Variants in MAD1L1 observed in about 807,000 individuals in gnomAD.
The protein encoded by MAD1L1 is mitotic arrest deficient 1 like 1.
Under a neutral mutation model 96.9 loss-of-function variants are expected in MAD1L1, and 95 were observed. The ratio of observed to expected loss-of-function variants is 0.98; its 90% CI spans 0.83 to 1.16. The LOEUF (loss-of-function observed/expected upper bound fraction) is 1.16, where lower values mean the gene tolerates loss of function less well. Ranked by LOEUF, MAD1L1 falls within the 50% of genes most tolerant of loss-of-function variation. The pLI is 0.00. For synonymous variants in MAD1L1, 473 were observed against 396.6 expected, an observed-to-expected ratio of 1.19 and a Z score of -2.29; for missense variants, 1,007 against 954.4, an observed-to-expected ratio of 1.06 and a Z score of -0.73.
chr7:1,909,531 G>A (rs1409664130), intron 17 of MAD1L1, among the ~76,000 whole-genome samples: 3 of 152,350 alleles, frequency 2.0e-5, no homozygotes, highest in East Asian at 1.9e-4. Context: ...GAGACTGTAG[G>A]AGGTGGGGAC....
chr7:2,229,817 G>A (rs1164867506), intron 3 of MAD1L1, among the ~76,000 whole-genome samples, 167 bp downstream of exon 3: 2 of 152,048 alleles, frequency 1.3e-5, no homozygotes, highest in African/African-American at 4.8e-5. Context: ...CTAGCCTCCA[G>A]CTACGACCCC....
Position 2,187,901 on chromosome 7 carries a change from C to T in MAD1L1, c.986+25311G>A, listed in dbSNP as rs530679255. 4.6e-5 allele frequency among the ~76,000 whole-genome samples: 7 copies of T among 152,146 alleles called. No individual in the cohort carries two copies. In the East Asian group the frequency reaches 5.8e-4, roughly 13 times the overall value. On this transcript the variant is annotated intron_variant, in intron 10 of 18. Coordinates refer to ENST00000265854, the MANE Select transcript of MAD1L1 (RefSeq NM_001013836.2). Reference sequence around the variant, plus strand: ...GTTATCATTTGAAAGAATACAACCACGAGTATTTGTTGACAATAATAAAAC... The same window carrying T: ...GTTATCATTTGAAAGAATACAACCATGAGTATTTGTTGACAATAATAAAAC...
intron 10 of MAD1L1, among the ~76,000 whole-genome samples, chr7:2,201,012 G>A (rs1175198448): frequency 6.6e-6 from 1 of 152,212 alleles, no homozygotes; most frequent in Non-Finnish European, 1.5e-5. Flanking sequence ...GGTGGGTGGT[G>A]CAGGCAAGAC....
At chr7:2,193,147 A>T (rs1791808694) in intron 10 of MAD1L1, 1 of 152,352 alleles carries the variant, frequency 6.6e-6, no homozygotes, top group Non-Finnish European at 1.5e-5. Context: ...GGAAACCCTA[A>T]CCCAACCCTC....
chr7:1,868,807 T>C (rs935295089), intron 18 of MAD1L1, among the ~76,000 whole-genome samples: 5 of 152,074 alleles, frequency 3.3e-5, no homozygotes, highest in African/African-American at 1.2e-4. Context: ...GCATGTCAGC[T>C]AAGGAGCTGA....
chr7:2,185,873 G>T (rs1359091662), intron 10 of MAD1L1, among the ~76,000 whole-genome samples: 1 of 152,184 alleles, frequency 6.6e-6, no homozygotes, highest in East Asian at 1.9e-4. Context: ...GAGGCCCTTG[G>T]GCCAGGGTGG....
At chr7:2,181,344 GTAA>G (rs1278640953) in intron 10 of MAD1L1, among the ~76,000 whole-genome samples, 1 of 152,188 alleles carries the variant, frequency 6.6e-6, no homozygotes, top group Non-Finnish European at 1.5e-5. Flanking sequence ...AACTAATTCT[GTAA>G]TGTTTGTGTC....
In MAD1L1 at chr7:2,124,243, A is replaced by T. The variant is rs555829941; in HGVS notation, c.1073+24909T>A. Among the ~76,000 whole-genome samples, 381 of 152,272 alleles carry T rather than the reference A, an allele frequency of 2.5e-3. 2 individuals carry two copies. The highest frequency in any genetic ancestry group is 8.5e-3 in the African/African-American group (354 of 41,558). ...CCACAAGGGTCGAGACATGGAGAGG[A>T]GGCAAGCCCACCCAGACAGGCCTCT... On this transcript the variant is annotated intron_variant, in intron 11 of 18. Transcript: ENST00000265854.
chr7:1,826,253 A>ACCGAG (rs1656828400), intron 18 of MAD1L1, among the ~76,000 whole-genome samples: 1 of 151,888 alleles, frequency 6.6e-6, no homozygotes, highest in African/African-American at 2.4e-5. Context: ...AGCAGCCACC[A>ACCGAG]CCGAGCCCTG....
At chr7:2,096,770 G>C (rs945177142) in intron 11 of MAD1L1, among the ~76,000 whole-genome samples, 1 of 151,974 alleles carries the variant, frequency 6.6e-6, no homozygotes, top group African/African-American at 2.4e-5. Context: ...GAGGGGGCAG[G>C]CTGCAGCTGC....
intron 11 of MAD1L1, 57 bp from the exon 12 acceptor site, chr7:2,069,395 A>C (rs930591846): frequency 3.6e-5 from 53 of 1,454,352 alleles, no homozygotes; most frequent in Non-Finnish European, 1.8e-5. Flanking sequence ...CACCCCACCA[A>C]GCCCCGCCCC....
intron 18 of MAD1L1, among the ~76,000 whole-genome samples, chr7:1,828,016 C>G (rs1000287805): frequency 6.6e-6 from 1 of 152,054 alleles, no homozygotes; most frequent in East Asian, 1.9e-4. Context: ...GATGCAGGCC[C>G]GCCCTCCTGT....
At chr7:2,064,819 TTCTCCCAGGACAGCGGC>T (rs1784811223) in intron 12 of MAD1L1, among the ~76,000 whole-genome samples, 1 of 151,326 alleles carries the variant, frequency 6.6e-6, no homozygotes, top group Non-Finnish European at 1.5e-5. Context: ...GGACAGCGGC[TTCTCCCAGGACAGCGGC>T]TTCTCCTAGG....
chr7:2,016,557 T>A, intron 12 of MAD1L1, among the ~76,000 whole-genome samples: 2 of 152,164 alleles, frequency 1.3e-5, no homozygotes, highest in African/African-American at 2.4e-5. Context: ...GATGACTGCC[T>A]GGCCCCTGCC....
At chr7:2,184,195 T>C (rs1791348728) in intron 10 of MAD1L1, among the ~76,000 whole-genome samples, 1 of 151,808 alleles carries the variant, frequency 6.6e-6, no homozygotes, top group Non-Finnish European at 1.5e-5. Flanking sequence ...GAGCTTGCAG[T>C]GAGTGGAGAT....
chr7:2,082,307 C>T (rs764274813), intron 11 of MAD1L1, among the ~76,000 whole-genome samples: 29 of 151,508 alleles, frequency 1.9e-4, no homozygotes, highest in Non-Finnish European at 3.5e-4. Context: ...ACCATGGGGC[C>T]GTGTGTGAGA....
At chr7:2,085,359 C>T (rs946406800) in intron 11 of MAD1L1, among the ~76,000 whole-genome samples, 4 of 152,220 alleles carry the variant, frequency 2.6e-5, no homozygotes, top group African/African-American at 7.2e-5. Flanking sequence ...GTCTCCCCGC[C>T]GCACAGCCAC....
chr7:2,017,180 A>C (rs1380380682), intron 12 of MAD1L1, among the ~76,000 whole-genome samples: 1 of 152,176 alleles, frequency 6.6e-6, no homozygotes, highest in Non-Finnish European at 1.5e-5. Flanking sequence ...ACTTGCTATG[A>C]CTTTTTAACA....
intron 11 of MAD1L1, among the ~76,000 whole-genome samples, chr7:2,077,785 C>A (rs1000409706): frequency 8.5e-5 from 13 of 152,186 alleles, no homozygotes; most frequent in African/African-American, 3.1e-4. Flanking sequence ...CCGGAAGCAC[C>A]CACAGGTTCT....
Sources: allele counts gnomAD v4.1 joint callset (sites outside exome capture counted in the v4.1 genomes callset), GRCh38; gene constraint gnomAD v4.1.1; transcripts MANE v1.5; gene names NCBI Gene and HGNC (gene_info 2026-07-23, HGNC 2026-07-21).